Variants in EDC3 observed in about 807,000 individuals in gnomAD.
The protein encoded by EDC3 is enhancer of mRNA-decapping protein 3.
Under a neutral mutation model 41.8 loss-of-function variants are expected in EDC3, and 20 were observed. The observed-to-expected ratio is 0.48, with a 90% CI of 0.34 to 0.70. The LOEUF (loss-of-function observed/expected upper bound fraction) is 0.70. EDC3 is among the 30% of genes least tolerant of loss of function. EDC3 has a pLI of 0.01. For missense variants in EDC3, 444 were observed against 636.8 expected (o/e 0.70, Z 3.26); for synonymous variants, 206 against 243.2 (o/e 0.85, Z 1.42).
chr15:74,657,868 T>A (rs572170192), intron 3 of EDC3, among the ~76,000 whole-genome samples: 94 of 152,318 alleles, frequency 6.2e-4, no homozygotes, highest in African/African-American at 2.2e-3. Context: ...GTGATCTCTT[T>A]TCTCAGAATT....
chr15:74,654,709 T>C (rs1202598574), intron 4 of EDC3, among the ~76,000 whole-genome samples: 1 of 147,230 alleles, frequency 6.8e-6, no homozygotes, highest in Non-Finnish European at 1.5e-5. Context: ...AGTTGGCCTA[T>C]TTTTTTTTTT....
chr15:74,682,414 C>G (rs145104891), intron 1 of EDC3, among the ~76,000 whole-genome samples: 47 of 151,398 alleles, frequency 3.1e-4, no homozygotes, highest in African/African-American at 1.0e-3. Context: ...GTCAGGAGAT[C>G]GAGACCATCC....
intron 4 of EDC3, among the ~76,000 whole-genome samples, chr15:74,654,202 A>G (rs2062515470): frequency 6.6e-6 from 1 of 151,612 alleles, no homozygotes; most frequent in East Asian, 2.0e-4. Context: ...GGCAGTGAGC[A>G]GAGATTGCGC....
At chr15:74,639,024 C>T (rs2062313775) in intron 5 of EDC3, 1 of 151,990 alleles carries the variant, frequency 6.6e-6, no homozygotes, top group African/African-American at 2.4e-5. Context: ...CTCAAGCAGT[C>T]CTCCCACTGC....
chr15:74,682,124 C>A (rs1453775255), intron 1 of EDC3, among the ~76,000 whole-genome samples: 1 of 152,112 alleles, frequency 6.6e-6, no homozygotes. Context: ...AGTACAGCTA[C>A]TCTGGAAAAC....
intron 3 of EDC3, among the ~76,000 whole-genome samples, chr15:74,668,178 A>G (rs2062698413): frequency 1.3e-5 from 2 of 152,196 alleles, no homozygotes; most frequent in African/African-American, 4.8e-5. Flanking sequence ...TGTCTAGGTC[A>G]TCAAAAACAA....
chr15:74,661,280 G>A (rs1284293321), intron 3 of EDC3, among the ~76,000 whole-genome samples: 1 of 152,140 alleles, frequency 6.6e-6, no homozygotes, highest in Non-Finnish European at 1.5e-5. Flanking sequence ...AAATTATAAA[G>A]TATCAAGAAG....
At chr15:74,634,262 T>C (rs1358571063) in intron 6 of EDC3, among the ~76,000 whole-genome samples, 1 of 152,196 alleles carries the variant, frequency 6.6e-6, no homozygotes, top group Non-Finnish European at 1.5e-5. Context: ...TTTCTTCACT[T>C]GGCTTTCAGC....
intron 1 of EDC3, among the ~76,000 whole-genome samples, chr15:74,692,327 G>T (rs1192793310): frequency 6.6e-6 from 1 of 152,166 alleles, no homozygotes; most frequent in Non-Finnish European, 1.5e-5. Context: ...TGATAAAAAT[G>T]ACCAAAACTA....
intron 3 of EDC3, among the ~76,000 whole-genome samples, chr15:74,668,151 A>T (rs1199564014): frequency 1.3e-5 from 2 of 152,194 alleles, no homozygotes; most frequent in East Asian, 3.8e-4. Flanking sequence ...AAAATACCTG[A>T]CCAGTATTCA....
At chr15:74,681,863 A>G (rs1473701081) in intron 1 of EDC3, among the ~76,000 whole-genome samples, 5 of 152,244 alleles carry the variant, frequency 3.3e-5, no homozygotes, top group African/African-American at 1.2e-4. Flanking sequence ...TAGACTTGAC[A>G]CCAAAAGCAC....
At chr15:74,646,832 G>A (rs1447179254) in intron 4 of EDC3, among the ~76,000 whole-genome samples, 2 of 152,108 alleles carry the variant, frequency 1.3e-5, no homozygotes, top group East Asian at 3.8e-4. Context: ...CTATAGGATA[G>A]CATAAGGAAC....
At chr15:74,694,948 C>G (rs1410927168) in intron 1 of EDC3, among the ~76,000 whole-genome samples, 1 of 149,888 alleles carries the variant, frequency 6.7e-6, no homozygotes, top group Non-Finnish European at 1.5e-5. Flanking sequence ...TACACGTAAT[C>G]TGCCATTCAT....
Position 74,632,399 on chromosome 15 carries a change from C to CCGTA in EDC3, c.*212_*213insTACG. ...TAGAGATGCCTGGAGTTGCTGCACG[C>CCGTA]TCAGCCTGCCACCCAGCCCGGAACC... On this transcript the variant is annotated 3_prime_UTR_variant, in exon 7 of 7. Transcript: ENST00000315127. This position sits in a 1 kb window ranked among gnomAD's most constrained non-coding sequence, Gnocchi z 4.0. 1.6e-6 allele frequency: 1 copy of CCGTA among 619,786 alleles called. No homozygotes were observed. The highest frequency in any genetic ancestry group is 3.0e-5 in the Admixed American group (1 of 33,466). The allele number at this position is 619,786 out of a possible 1,614,324, so 38.4% of individuals were successfully genotyped here.
At chr15:74,635,669 C>CA in intron 5 of EDC3, 43 bp from the exon 6 acceptor site, 1 of 1,557,268 alleles carries the variant, frequency 6.4e-7, no homozygotes, top group Non-Finnish European at 8.8e-7. Context: ...ACATACTTGC[C>CA]AATCCCTTGC....
At chr15:74,660,319 G>A (rs2062606202) in intron 3 of EDC3, among the ~76,000 whole-genome samples, 1 of 151,712 alleles carries the variant, frequency 6.6e-6, no homozygotes, top group Non-Finnish European at 1.5e-5. Context: ...TAGGAGAATC[G>A]CTGGAACCCA....
At chr15:74,646,557 TAGTC>T (rs1348608173) in intron 4 of EDC3, among the ~76,000 whole-genome samples, 1 of 152,184 alleles carries the variant, frequency 6.6e-6, no homozygotes, top group Non-Finnish European at 1.5e-5. Context: ...GGCAGGACTG[TAGTC>T]ACAATGAATA....
In EDC3 at chr15:74,671,537, C is replaced by T; in HGVS notation, c.402G>A (p.Gln134=). The part of the protein sequence containing the change: ...KSQDVAVSPQ[Q]QQCSKSYVDR... ...CGACATAGCTCTTTGAGCACTGTTG[C>T]TGCTGCGGGGAAACGGCAACATCCT... The change falls in exon 3 of 7, where the codon CAG becomes CAA. Residue 134 remains glutamine (Q), a synonymous_variant. Coordinates refer to ENST00000315127, the MANE Select transcript of EDC3 (RefSeq NM_025083.5). This position sits in a 1 kb window ranked among gnomAD's most constrained non-coding sequence, Gnocchi z 4.6. 6.2e-7 allele frequency: 1 copy of T among 1,614,180 alleles called. No individual in the cohort carries two copies. Among genetic ancestry groups the T allele is most frequent in the Non-Finnish European group, 8.5e-7 (1 of 1,180,046 alleles).
At chr15:74,694,719 T>C (rs2063045993) in intron 1 of EDC3, among the ~76,000 whole-genome samples, 1 of 146,600 alleles carries the variant, frequency 6.8e-6, no homozygotes, top group African/African-American at 2.6e-5. Context: ...AGTAAACTTT[T>C]CATTGGTGTG....
Sources: allele counts gnomAD v4.1 joint callset (sites outside exome capture counted in the v4.1 genomes callset), GRCh38; gene constraint gnomAD v4.1.1; non-coding constraint Gnocchi (gnomAD v3.1); transcripts MANE v1.5; gene names NCBI Gene and HGNC (gene_info 2026-07-23, HGNC 2026-07-21).